Variants in FGF13 observed in about 807,000 individuals in gnomAD.
FGF13 encodes the protein fibroblast growth factor homologous factor 2.
Under a neutral mutation model 19.5 loss-of-function variants are expected in FGF13, and 2 were observed. The observed-to-expected ratio is 0.10, with a 90% confidence interval of 0.04 to 0.32. FGF13 has a LOEUF of 0.32. Ranked by LOEUF, FGF13 falls within the 10% of genes least tolerant of loss-of-function variation. FGF13 has a pLI of 1.00. For synonymous variants in FGF13, 72 were observed against 76.9 expected (o/e 0.94, Z 0.33); for missense variants, 113 against 192.7 (o/e 0.59, Z 2.45).
At chrX:139,051,829 G>A (rs1487157195) in intron 1 of FGF13, among the ~76,000 whole-genome samples, 1 of 112,045 alleles carries the variant, frequency 8.9e-6, no homozygotes, top group Non-Finnish European at 1.9e-5. Flanking sequence ...GCATTATGAC[G>A]GATTTCAGCC....
intron 1 of FGF13, among the ~76,000 whole-genome samples, chrX:139,100,097 T>G (rs1415920498): frequency 1.2e-5 from 1 of 83,838 alleles, no homozygotes; most frequent in Non-Finnish European, 2.4e-5. Flanking sequence ...CATAAACACA[T>G]GTTCAGTAAC....
chrX:138,976,392 G>A (rs2091939806), intron 1 of FGF13, among the ~76,000 whole-genome samples: 1 of 111,735 alleles, frequency 8.9e-6, no homozygotes, highest in Non-Finnish European at 1.9e-5. Flanking sequence ...TAATGTCTTT[G>A]GCAGCAACTT....
intron 1 of FGF13, among the ~76,000 whole-genome samples, chrX:138,930,367 G>A (rs2091695843): frequency 8.9e-6 from 1 of 112,129 alleles, no homozygotes; most frequent in African/African-American, 3.2e-5. Context: ...AGTTTAGATT[G>A]TAAGGTTTTA....
chrX:139,102,538 T>C (rs1190475148), intron 1 of FGF13, among the ~76,000 whole-genome samples: 1 of 112,233 alleles, frequency 8.9e-6, no homozygotes, highest in Non-Finnish European at 1.9e-5. Flanking sequence ...GCTCCTACCC[T>C]GACGTCTTTT....
intron 1 of FGF13, among the ~76,000 whole-genome samples, chrX:138,954,306 C>A (rs1437625210): frequency 1.8e-5 from 2 of 111,504 alleles, no homozygotes; most frequent in Admixed American, 1.9e-4. Flanking sequence ...ACTGCCCACA[C>A]AAAGTTGTTT....
intron 1 of FGF13, among the ~76,000 whole-genome samples, chrX:139,074,506 T>C (rs1036403386): frequency 2.7e-5 from 3 of 112,092 alleles, no homozygotes; most frequent in African/African-American, 9.7e-5. Context: ...TCCTTGATTC[T>C]ACCTTAGTCC....
chrX:139,064,753 G>A (rs2092349479), intron 1 of FGF13, among the ~76,000 whole-genome samples: 1 of 111,412 alleles, frequency 9.0e-6, no homozygotes, highest in African/African-American at 3.3e-5. Context: ...TGGATAATAT[G>A]CTGAAGAGTG....
intron 1 of FGF13, among the ~76,000 whole-genome samples, chrX:138,935,602 T>G (rs2091727289): frequency 8.9e-6 from 1 of 111,929 alleles, no homozygotes; most frequent in Non-Finnish European, 1.9e-5. Context: ...GCACACGAGA[T>G]GATGTGTGCT....
chrX:138,731,466 AAAG>A (rs1277606838), intron 1 of FGF13, among the ~76,000 whole-genome samples: 5 of 110,375 alleles, frequency 4.5e-5, no homozygotes, highest in Non-Finnish European at 9.5e-5. Flanking sequence ...AAAAAATCAA[AAAG>A]AAGGTTAGAA....
intron 1 of FGF13, among the ~76,000 whole-genome samples, chrX:139,024,080 C>G (rs1042760754): frequency 1.8e-5 from 2 of 110,156 alleles, no homozygotes; most frequent in African/African-American, 6.6e-5. Flanking sequence ...TTTTTTTTTC[C>G]AGAAGGGCTG....
chrX:138,751,690 T>C (rs2090399288), intron 3 of FGF13, among the ~76,000 whole-genome samples: 1 of 111,810 alleles, frequency 8.9e-6, no homozygotes, highest in Non-Finnish European at 1.9e-5. Context: ...GAACAGATCC[T>C]ACTTCAAAAT....
chrX:139,089,448 T>A lies in FGF13; in HGVS notation c.-113+113968A>T, dbSNP rs149708198. Among the ~76,000 whole-genome samples the A allele has an allele frequency of 3.6e-4, 41 of 112,398 alleles. 1 individual carries two copies. The East Asian group carries it at 9.8e-3, about 27-fold the overall frequency. ...TATGTGGTACCCAACTGGACTCTTA[T>A]GAAGGGGTGAAAACTATGCTTCAGA... On this transcript the variant is annotated intron_variant, in intron 1 of 2. Transcript: ENST00000421460.
rs34038080 is a variant in FGF13 at position 138,749,322 on chromosome X, T to TACACACACACAC, written c.218-40406_218-40395dup. Among the ~76,000 whole-genome samples the TACACACACACAC allele has an allele frequency of 3.1e-4, 25 of 81,698 alleles. 1 individual carries two copies. Among genetic ancestry groups the TACACACACACAC allele is most frequent in the African/African-American group, 1.2e-3 (25 of 21,028 alleles). The allele number at this position is 81,698 out of a possible 115,157, so 70.9% of individuals were successfully genotyped here. On this transcript the variant is annotated intron_variant, in intron 3 of 6. Transcript: ENST00000436198. ...TAGTCCCAGGGGGGAGAGACCAAAA[T>TACACACACACAC]ACACACACACACACACACACACACA...
chrX:139,170,753 A>G (rs1189250091), intron 1 of FGF13, among the ~76,000 whole-genome samples: 2 of 111,571 alleles, frequency 1.8e-5, no homozygotes, highest in Non-Finnish European at 3.8e-5. Flanking sequence ...TCTGTTCGTG[A>G]CACTGCCTAG....
intron 1 of FGF13, among the ~76,000 whole-genome samples, chrX:138,958,494 T>G (rs145523469): frequency 1.8e-5 from 2 of 111,290 alleles, no homozygotes; most frequent in African/African-American, 3.3e-5. Flanking sequence ...CTCTTTGTTG[T>G]GTCTCTGCCA....
intron 3 of FGF13, among the ~76,000 whole-genome samples, chrX:138,673,368 A>G (rs1296405325): frequency 1.8e-5 from 2 of 110,739 alleles, no homozygotes; most frequent in Non-Finnish European, 3.8e-5. Context: ...TAGCCCGCGG[A>G]AAAACTGACT....
rs903381275 is a variant in FGF13 at position 138,623,625 on chromosome X, A to T, written c.*9225T>A. ...CCATCTCTATCTACTAAAAATACAA[A>T]AATTAGCCAGGCATGGTGGTAGGCG... On this transcript the variant is annotated 3_prime_UTR_variant, in exon 5 of 5. Transcript: ENST00000315930. 3 of 110,124 alleles carry T rather than the reference A, an allele frequency of 2.7e-5. No individual in the cohort carries two copies. Among genetic ancestry groups the T allele is most frequent in the African/African-American group, 9.9e-5 (3 of 30,194 alleles). 9.1% of individuals were successfully genotyped at this position (110,124 alleles called of 1,213,427 possible).
chrX:139,091,943 A>G (rs2083442305), intron 1 of FGF13, among the ~76,000 whole-genome samples: 1 of 110,471 alleles, frequency 9.1e-6, no homozygotes, highest in African/African-American at 3.3e-5. Context: ...AGCTGATAGA[A>G]CTAAGCCTTA....
chrX:139,004,202 C>T (rs908307423), intron 1 of FGF13, among the ~76,000 whole-genome samples: 6 of 112,785 alleles, frequency 5.3e-5, no homozygotes, highest in Non-Finnish European at 9.4e-5. Context: ...GGTGAGAAAT[C>T]GAGCGCAGCG....
Sources: allele counts gnomAD v4.1 joint callset (sites outside exome capture counted in the v4.1 genomes callset), GRCh38; gene constraint gnomAD v4.1.1; transcripts MANE v1.5; gene names NCBI Gene and HGNC (gene_info 2026-07-23, HGNC 2026-07-21).